Variants in SASH1 observed in about 807,000 individuals in gnomAD.
SASH1 encodes SAM and SH3 domain-containing protein 1.
In SASH1, 44 loss-of-function variants were observed where a neutral mutation model predicts 125.2. The ratio of observed to expected loss-of-function variants is 0.35; its 90% CI spans 0.28 to 0.45. The LOEUF (loss-of-function observed/expected upper bound fraction) is 0.45, where lower values mean the gene tolerates loss of function less well. Among genes scored for constraint, SASH1 ranks in the 20% least tolerant of loss-of-function variants. The probability of loss-of-function intolerance (pLI) is 1.00; values close to 1 mark genes in which losing one functional copy is unlikely to be tolerated. For missense variants in SASH1, 1,426 were observed against 1,614.5 expected (o/e 0.88, Z 2.00); for synonymous variants, 639 against 649.1 (o/e 0.98, Z 0.24).
intron 10 of SASH1, chr6:148,524,507 C>T (rs1781018740): frequency 6.6e-6 from 1 of 152,070 alleles, no homozygotes; most frequent in Admixed American, 6.5e-5. Context: ...AGTTTGCAAC[C>T]ACCTAAAAGG....
At chr6:148,253,516 C>T in the SASH1 span, among the ~76,000 whole-genome samples, 11,522 of 152,170 alleles carry the variant, frequency 0.076, 480 homozygotes, top group Middle Eastern at 0.11. Context: ...AGAGATGACA[C>T]GAAAAGCAGA....
upstream of SASH1, among the ~76,000 whole-genome samples, chr6:148,271,633 A>G (rs949520901): frequency 1.3e-5 from 2 of 152,196 alleles, no homozygotes; most frequent in Non-Finnish European, 1.5e-5. Context: ...AATCAGGTTA[A>G]ACTAGATTAA....
chr6:148,268,924 A>C (rs1448287888), upstream of SASH1, among the ~76,000 whole-genome samples: 1 of 152,218 alleles, frequency 6.6e-6, no homozygotes, highest in African/African-American at 2.4e-5. Flanking sequence ...GGGGAATAAC[A>C]ATGCTGGATC....
In SASH1 at chr6:148,422,209, C is replaced by T. The variant is rs1436575818; in HGVS notation, c.286-17975C>T. Among the ~76,000 whole-genome samples, 3 of 152,194 alleles carry T rather than the reference C, an allele frequency of 2.0e-5. No individual in the cohort carries two copies. In the East Asian group the frequency reaches 5.8e-4, roughly 29 times the overall value. The stretch of plus-strand genomic sequence containing the variant: ...GCAGACAGGGCTGCTTTTATAGTGC[C>T]AATCTATGCTTTCTGCCTGAGCTGC... On this transcript the variant is annotated intron_variant, in intron 2 of 19. Transcript: ENST00000367467.
the SASH1 span, among the ~76,000 whole-genome samples, chr6:148,240,970 C>A: frequency 6.6e-6 from 1 of 151,998 alleles, no homozygotes; most frequent in African/African-American, 2.4e-5. Flanking sequence ...GCATAGTCAC[C>A]ATTTTTTTAA....
At chr6:148,317,456 C>T (rs941228010) in intron 1 of SASH1, among the ~76,000 whole-genome samples, 1 of 152,222 alleles carries the variant, frequency 6.6e-6, no homozygotes, top group Non-Finnish European at 1.5e-5. Context: ...TGGAGTTTCA[C>T]TCTTGTTGCC....
intron 1 of SASH1, among the ~76,000 whole-genome samples, chr6:148,347,113 C>CT (rs1781547271): frequency 6.6e-6 from 1 of 151,992 alleles, no homozygotes; most frequent in Non-Finnish European, 1.5e-5. Flanking sequence ...GTGGTAGATC[C>CT]TTTTTTCAGA....
At chr6:148,287,261 T>C (rs1289584455) in intron 1 of SASH1, among the ~76,000 whole-genome samples, 1 of 152,230 alleles carries the variant, frequency 6.6e-6, no homozygotes, top group East Asian at 1.9e-4. Flanking sequence ...CTCTTTCCTC[T>C]ACTATCAGTA....
chr6:148,537,832 G>GTGTGTGTGTGT (rs1269680437), intron 16 of SASH1, among the ~76,000 whole-genome samples: 1 of 141,452 alleles, frequency 7.1e-6, no homozygotes, highest in Non-Finnish European at 1.5e-5. Context: ...GTGTGTGTGT[G>GTGTGTGTGTGT]GTTGGTGAGG....
intron 1 of SASH1, among the ~76,000 whole-genome samples, chr6:148,345,212 C>T (rs1165199508): frequency 1.3e-5 from 2 of 152,026 alleles, no homozygotes; most frequent in African/African-American, 4.8e-5. Context: ...GAAACTTGGG[C>T]TGAGGGTTCT....
At chr6:148,351,105 G>C (rs1452482143) in intron 1 of SASH1, among the ~76,000 whole-genome samples, 1 of 151,396 alleles carries the variant, frequency 6.6e-6, no homozygotes, top group Non-Finnish European at 1.5e-5. Flanking sequence ...CCATCCTGGA[G>C]ACTGGGTATC....
Position 148,474,215 on chromosome 6 carries a change from T to A in SASH1, c.620T>A (p.Leu207His). 1 of 1,589,958 alleles carries A rather than the reference T, an allele frequency of 6.3e-7. No homozygotes were observed. The highest frequency in any genetic ancestry group is 8.6e-7 in the Non-Finnish European group (1 of 1,163,702). ...AAGATGATCACAATTGAGGAAGCAC[T>A]TGCTAGGGTAAGCATGCAGATACCT... ...KEKMITIEEA[L>H]ARLKEYEAQH... The change falls in exon 7 of 20, where the codon CTT becomes CAT. Residue 207 changes from leucine to histidine, a missense_variant. Physicochemically the swap from Leu to His is moderately conservative, Grantham distance 99. Transcript: ENST00000367467.
At chr6:148,486,058 A>G (rs1778824379) in intron 7 of SASH1, among the ~76,000 whole-genome samples, 1 of 152,234 alleles carries the variant, frequency 6.6e-6, no homozygotes, top group Non-Finnish European at 1.5e-5. Flanking sequence ...TTATTTGGGA[A>G]GTATAGTAAA....
At chr6:148,536,615 C>T (rs1190643152) in intron 16 of SASH1, among the ~76,000 whole-genome samples, 2 of 152,214 alleles carry the variant, frequency 1.3e-5, no homozygotes, top group Non-Finnish European at 2.9e-5. Flanking sequence ...GCTGGGATTA[C>T]AGGTGTGAGC....
chr6:148,249,949 T>C, the SASH1 span, among the ~76,000 whole-genome samples: 2 of 152,236 alleles, frequency 1.3e-5, no homozygotes, highest in Non-Finnish European at 2.9e-5. Flanking sequence ...GTGCTTAGAA[T>C]GGTGCCTGGC....
At chr6:148,260,625 A>G in the SASH1 span, among the ~76,000 whole-genome samples, 24 of 150,646 alleles carry the variant, frequency 1.6e-4, no homozygotes, top group Non-Finnish European at 2.8e-4. Context: ...AAAAAAAAAG[A>G]TTATTTTAAA....
upstream of SASH1, among the ~76,000 whole-genome samples, chr6:148,340,140 G>C (rs1424242429): frequency 6.6e-6 from 1 of 152,146 alleles, no homozygotes; most frequent in Non-Finnish European, 1.5e-5. Flanking sequence ...TTTATGTAGA[G>C]AACAGGCTGC....
At chr6:148,518,987 C>T (rs935661418) in intron 9 of SASH1, among the ~76,000 whole-genome samples, 2 of 152,170 alleles carry the variant, frequency 1.3e-5, no homozygotes. Flanking sequence ...CAGCTGGAGA[C>T]GATGTGTCAG....
In SASH1 at chr6:148,361,626, A is replaced by G. The variant is rs533097036; in HGVS notation, c.156+18403A>G. On this transcript the variant is annotated intron_variant, in intron 1 of 19. Transcript: ENST00000367467. ...AAAAAAAAAAAGGAAAGGGAAAAAA[A>G]GGACAGCAGAACTTTTTCCAGGTTT... 2.1e-3 allele frequency among the ~76,000 whole-genome samples: 315 copies of G among 152,108 alleles called. 1 individual carries two copies. The highest frequency in any genetic ancestry group is 7.3e-3 in the African/African-American group (304 of 41,506).
Sources: allele counts gnomAD v4.1 joint callset (sites outside exome capture counted in the v4.1 genomes callset), GRCh38; gene constraint gnomAD v4.1.1; transcripts MANE v1.5; gene names NCBI Gene and HGNC (gene_info 2026-07-23, HGNC 2026-07-21).